The following ZFHX3 variants were observed in gnomAD, a reference collection of about 807,000 sequenced individuals.
The protein encoded by ZFHX3 is zinc finger homeobox protein 3.
In ZFHX3, 42 loss-of-function variants were observed where a neutral mutation model predicts 279.1. That is an observed-to-expected ratio of 0.15 (90% confidence interval 0.12 to 0.19). ZFHX3 has a LOEUF of 0.19. ZFHX3 is among the 10% of genes least tolerant of loss of function. The probability of loss-of-function intolerance (pLI) is 1.00; values close to 1 mark genes in which losing one functional copy is unlikely to be tolerated. For missense variants in ZFHX3, 4,981 were observed against 4,754.0 expected, an observed-to-expected ratio of 1.05 and a Z score of -1.40; for synonymous variants, 2,293 against 1,957.8, an observed-to-expected ratio of 1.17 and a Z score of -4.52.
upstream of ZFHX3, chr16:73,060,296 G>A (rs952223608): frequency 2.0e-5 from 3 of 149,096 alleles, no homozygotes; most frequent in African/African-American, 7.4e-5. Flanking sequence ...CAAAGGGCTT[G>A]AAATGAGAGG....
chr16:73,619,498 A>ATTTT (rs1220654680), intron 2 of ZFHX3, among the ~76,000 whole-genome samples: 4 of 58,960 alleles, frequency 6.8e-5, no homozygotes, highest in African/African-American at 1.5e-4. Context: ...AAAAAAAAAA[A>ATTTT]ATTATATATA....
intron 2 of ZFHX3, among the ~76,000 whole-genome samples, chr16:73,599,260 G>A (rs542615447): frequency 2.0e-5 from 3 of 152,276 alleles, no homozygotes; most frequent in South Asian, 4.1e-4. Flanking sequence ...CCATAAGTTG[G>A]AGTCAGCCAC....
rs1423310730 is a variant in ZFHX3, at chr16:72,966,633, T to C, written c.-49-6439A>G. Among the ~76,000 whole-genome samples the C allele has an allele frequency of 2.0e-5, 3 of 152,182 alleles. No homozygotes were observed. The East Asian group carries it at 5.8e-4, about 29-fold the overall frequency. On this transcript the variant is annotated intron_variant, in intron 1 of 9. Coordinates refer to ENST00000268489, the MANE Select transcript of ZFHX3 (RefSeq NM_006885.4). Reference sequence around the variant, plus strand: ...AAGAGAGATACCAACAAAGAAGCTGTAGCCTCATCGGAATGGCTGAACACA... The same window carrying C: ...AAGAGAGATACCAACAAAGAAGCTGCAGCCTCATCGGAATGGCTGAACACA...
intron 8 of ZFHX3, among the ~76,000 whole-genome samples, chr16:73,076,447 G>A (rs951609844): frequency 6.6e-6 from 1 of 152,184 alleles, no homozygotes; most frequent in Non-Finnish European, 1.5e-5. Context: ...GCTGAAATAC[G>A]AGGAATGCAA....
At chr16:73,207,324 C>T (rs537375792) in intron 5 of ZFHX3, among the ~76,000 whole-genome samples, 11 of 152,222 alleles carry the variant, frequency 7.2e-5, no homozygotes, top group African/African-American at 2.4e-4. Context: ...ATGAAGTAAA[C>T]GTTGTTCACT....
intron 1 of ZFHX3, among the ~76,000 whole-genome samples, chr16:73,026,192 C>CA (rs60146795): frequency 6.3e-4 from 30 of 47,482 alleles, no homozygotes; most frequent in South Asian, 1.4e-3. Flanking sequence ...ACAAAAAATA[C>CA]AAAAAAAAAA....
intron 2 of ZFHX3, among the ~76,000 whole-genome samples, chr16:73,510,148 C>A (rs1260931187): frequency 6.6e-6 from 1 of 152,078 alleles, no homozygotes; most frequent in Non-Finnish European, 1.5e-5. Flanking sequence ...GAGAAGACAC[C>A]CCTGATCAGC....
intron 1 of ZFHX3, among the ~76,000 whole-genome samples, chr16:72,997,143 T>G (rs1567624643): frequency 6.6e-6 from 1 of 152,182 alleles, no homozygotes; most frequent in South Asian, 2.1e-4. Flanking sequence ...TGCACAAGTG[T>G]TCCTGCAGCT....
chr16:73,070,207 T>C (rs1965805325), intron 8 of ZFHX3, among the ~76,000 whole-genome samples: 1 of 152,224 alleles, frequency 6.6e-6, no homozygotes, highest in Non-Finnish European at 1.5e-5. Flanking sequence ...TCAAACTCTT[T>C]TAATGTATTC....
At chr16:73,846,084 C>T (rs879396253) in intron 1 of ZFHX3, among the ~76,000 whole-genome samples, 3 of 152,164 alleles carry the variant, frequency 2.0e-5, no homozygotes, top group Non-Finnish European at 4.4e-5. Context: ...AGGCATGAGC[C>T]ACTGTGCCTG....
chr16:73,399,450 C>T (rs1343747141), intron 3 of ZFHX3, among the ~76,000 whole-genome samples: 2 of 152,122 alleles, frequency 1.3e-5, no homozygotes, highest in Admixed American at 6.6e-5. Context: ...CACGCAGCAC[C>T]CCATGATAGC....
At chr16:73,618,689 T>A (rs999031497) in intron 2 of ZFHX3, among the ~76,000 whole-genome samples, 21 of 152,150 alleles carry the variant, frequency 1.4e-4, no homozygotes, top group African/African-American at 4.8e-4. Flanking sequence ...GGAAACAGAT[T>A]TGAACTTTGA....
intron 2 of ZFHX3, among the ~76,000 whole-genome samples, chr16:73,536,503 A>G (rs2019904019): frequency 6.6e-6 from 1 of 152,242 alleles, no homozygotes; most frequent in South Asian, 2.1e-4. Flanking sequence ...AAGAAATGCA[A>G]TTCCTTCCAT....
chr16:73,457,475 AC>A (rs1184426976), intron 2 of ZFHX3, among the ~76,000 whole-genome samples: 2 of 152,152 alleles, frequency 1.3e-5, no homozygotes, highest in African/African-American at 2.4e-5. Flanking sequence ...TCAGACACTT[AC>A]AAAACGAGGG....
At chr16:73,651,011 TAAAC>T (rs1167362625) in intron 2 of ZFHX3, among the ~76,000 whole-genome samples, 7 of 151,990 alleles carry the variant, frequency 4.6e-5, no homozygotes, top group African/African-American at 9.7e-5. Flanking sequence ...CAAGGTGTAA[TAAAC>T]AAAATAAGAA....
chr16:73,097,189 G>T (rs1039275423), intron 7 of ZFHX3, among the ~76,000 whole-genome samples: 1 of 151,548 alleles, frequency 6.6e-6, no homozygotes, highest in Non-Finnish European at 1.5e-5. Flanking sequence ...AAGTAGCTGG[G>T]ACTAGAGGTG....
rs1567395523 is a variant in ZFHX3 at position 73,127,416 on chromosome 16, TA to T, written c.-897+3551del. 2.3e-6 allele frequency: 3 copies of T among 1,305,342 alleles called. No homozygotes were observed. The South Asian group carries it at 3.7e-5, about 16-fold the overall frequency. 80.9% of individuals were successfully genotyped at this position (1,305,342 alleles called of 1,614,324 possible). A position where few individuals can be genotyped will look rare whatever the true frequency, so the allele number is the denominator to read the frequency against. On this transcript the variant is annotated intron_variant, in intron 7 of 17. Transcript: ENST00000641206. ...TTTTTGGGGCCAGAGCCTTCCCAGG[TA>T]GTAGCTGGAGCATCTCTGTTCCGGA... is the stretch of plus-strand genomic sequence containing the variant.
At chr16:73,675,178 T>A (rs1311622199) in intron 2 of ZFHX3, among the ~76,000 whole-genome samples, 2 of 152,030 alleles carry the variant, frequency 1.3e-5, no homozygotes, top group African/African-American at 4.8e-5. Context: ...TTCAGACTTG[T>A]GAGACTTTCC....
At chr16:73,043,074 T>C (rs1965173094) in intron 1 of ZFHX3, among the ~76,000 whole-genome samples, 2 of 151,986 alleles carry the variant, frequency 1.3e-5, no homozygotes, top group Admixed American at 1.3e-4. Context: ...GGCAGATGTT[T>C]TGCCCGCCTC....
Sources: allele counts gnomAD v4.1 joint callset (sites outside exome capture counted in the v4.1 genomes callset), GRCh38; gene constraint gnomAD v4.1.1; transcripts MANE v1.5; gene names NCBI Gene and HGNC (gene_info 2026-07-23, HGNC 2026-07-21).